The following RIPK4 variants were observed in gnomAD, a reference collection of about 807,000 sequenced individuals.
RIPK4 encodes the protein receptor-interacting serine/threonine-protein kinase 4.
RIPK4 carries 17 observed loss-of-function variants against 42.9 expected under a neutral mutation model. The observed-to-expected ratio is 0.40, with a 90% CI of 0.27 to 0.59. RIPK4 has a LOEUF of 0.59. Among genes scored for constraint, RIPK4 ranks in the 20% least tolerant of loss-of-function variants. The probability of loss-of-function intolerance (pLI) is 0.47; values close to 1 mark genes in which losing one functional copy is unlikely to be tolerated. For synonymous variants in RIPK4, 498 were observed against 499.1 expected (o/e 1.00, Z 0.03); for missense variants, 897 against 1,104.4 (o/e 0.81, Z 2.66).
intron 1 of RIPK4, 104 bp from the exon 2 acceptor site, chr21:41,756,920 T>C: frequency 8.5e-7 from 1 of 1,174,720 alleles, no homozygotes; most frequent in Non-Finnish European, 1.2e-6. Flanking sequence ...GCTGAGCAAA[T>C]GCCTCAAGTG....
rs747781173 is a variant in RIPK4 at position 41,741,507 on chromosome 21, G to A, written c.1686C>T (p.Asp562=). 1.1e-4 allele frequency: 179 copies of A among 1,612,408 alleles called. No individual in the cohort carries two copies. Among genetic ancestry groups the A allele is most frequent in the Middle Eastern group, 4.9e-4 (3 of 6,084 alleles). ...AGGCATCCTTGCCCTGCAGGCTCAC[G>A]TCCACGCCTCGGCGCAGCAGGATGC... is the stretch of plus-strand genomic sequence containing the variant. ...IVRILLRRGV[D]VSLQGKDAWL... The change falls in exon 8 of 8, where the codon GAC becomes GAT. Residue 562 remains aspartate (D), a synonymous_variant. Transcript: ENST00000332512.
intron 1 of RIPK4, among the ~76,000 whole-genome samples, chr21:41,762,166 G>A (rs761201004): frequency 6.6e-6 from 1 of 152,134 alleles, no homozygotes; most frequent in Non-Finnish European, 1.5e-5. Context: ...GCACTTTCTC[G>A]AGGAAAATCA....
chr21:41,757,010 T>C (rs1319490171), intron 1 of RIPK4, among the ~76,000 whole-genome samples, 194 bp from the exon 2 acceptor site: 2 of 152,204 alleles, frequency 1.3e-5, no homozygotes, highest in Non-Finnish European at 2.9e-5. Context: ...TGCTGAAATG[T>C]ACCTATGCAT....
intron 3 of RIPK4, among the ~76,000 whole-genome samples, chr21:41,749,482 C>T (rs1037883737): frequency 6.6e-6 from 1 of 152,232 alleles, no homozygotes; most frequent in Non-Finnish European, 1.5e-5. Flanking sequence ...CCACCCTATG[C>T]GGGGCGTGAG....
intron 6 of RIPK4, among the ~76,000 whole-genome samples, 190 bp downstream of exon 6, chr21:41,745,569 G>A (rs1039772440): frequency 2.0e-5 from 3 of 152,188 alleles, no homozygotes; most frequent in Admixed American, 6.5e-5. Context: ...GAGGTGGGGC[G>A]GGGATGCAGT....
At chr21:41,758,039 T>TAGAGAGAG (rs1268153558) in intron 1 of RIPK4, among the ~76,000 whole-genome samples, 28 of 89,018 alleles carry the variant, frequency 3.1e-4, no homozygotes, top group African/African-American at 4.2e-4. Context: ...TATATATATA[T>TAGAGAGAG]ATAGAGAGAG....
intron 1 of RIPK4, among the ~76,000 whole-genome samples, chr21:41,757,955 C>T (rs1265998730): frequency 1.9e-4 from 25 of 131,240 alleles, no homozygotes; most frequent in African/African-American, 6.4e-4. Context: ...GCCGAGATCG[C>T]GCCATTGCAC....
rs1232274782 is a variant in RIPK4, at chr21:41,743,894, G to C, written c.1183C>G (p.Pro395Ala). The change falls in exon 7 of 8, where the codon CCT (proline) becomes GCT (alanine). Residue 395 changes from proline to alanine, a missense_variant. Physicochemically the swap from Pro to Ala is conservative, Grantham distance 27. Coordinates refer to ENST00000332512, the MANE Select transcript of RIPK4 (RefSeq NM_020639.3). ...CGTCCCCACTCACCGCTGGTTGAAGGTTCCCGCTCAAAGGACAGCGACAGT... is the reference window on the plus strand; with the variant it reads ...CGTCCCCACTCACCGCTGGTTGAAGCTTCCCGCTCAAAGGACAGCGACAGT... Reference protein sequence around the residue: ...GSLSLSFEREPSTSDLGTTDV... With the variant: ...GSLSLSFEREASTSDLGTTDV... 6.2e-7 allele frequency: 1 copy of C among 1,603,050 alleles called. No homozygotes were observed. Among genetic ancestry groups the C allele is most frequent in the African/African-American group, 1.3e-5 (1 of 74,488 alleles).
At chr21:41,747,932 A>G (rs1425270160) in intron 4 of RIPK4, among the ~76,000 whole-genome samples, 1 of 152,218 alleles carries the variant, frequency 6.6e-6, no homozygotes, top group Non-Finnish European at 1.5e-5. Context: ...TAATTCCCAT[A>G]TGATTAGCGT....
At chr21:41,756,952 A>G in intron 1 of RIPK4, 136 bp from the exon 2 acceptor site, 3 of 854,044 alleles carry the variant, frequency 3.5e-6, no homozygotes, top group Non-Finnish European at 5.3e-6. Context: ...GGCACACTTC[A>G]ATGTCACATC....
chr21:41,764,151 G>C (rs1255818357), intron 1 of RIPK4, among the ~76,000 whole-genome samples: 3 of 152,196 alleles, frequency 2.0e-5, no homozygotes. Context: ...AAGTGTCTGG[G>C]GGCTGGGCGG....
At chr21:41,759,624 C>T (rs1046101559) in intron 1 of RIPK4, among the ~76,000 whole-genome samples, 2 of 152,182 alleles carry the variant, frequency 1.3e-5, no homozygotes, top group East Asian at 1.9e-4. Flanking sequence ...TTCTGGAGCT[C>T]GGACACAGGC....
chr21:41,757,027 G>T (rs550379694), intron 1 of RIPK4, among the ~76,000 whole-genome samples: 2 of 152,334 alleles, frequency 1.3e-5, no homozygotes, highest in East Asian at 3.9e-4. Context: ...GCATCACAGG[G>T]TTATCACAAG....
In RIPK4 at chr21:41,757,978, G is replaced by A. The variant is rs756491615; in HGVS notation, c.183-1162C>T. Among the ~76,000 whole-genome samples the A allele has an allele frequency of 2.5e-4, 25 of 100,438 alleles. No homozygotes were observed. The Admixed American group carries it at 2.7e-3, about 11-fold the overall frequency. 65.9% of individuals were successfully genotyped at this position (100,438 alleles called of 152,430 possible). The stretch of plus-strand genomic sequence containing the variant: ...CGCGCCATTGCACTCCAGCCTGGGC[G>A]ACACAGAGAGACTCCATAACAAAAA... On this transcript the variant is annotated intron_variant, in intron 1 of 7. Transcript: ENST00000332512.
Position 41,742,062 on chromosome 21 carries a change from G to A in RIPK4, c.1196-65C>T, listed in dbSNP as rs1455302107. The A allele has an allele frequency of 2.8e-6, 4 of 1,425,268 alleles. No homozygotes were observed. Among genetic ancestry groups the A allele is most frequent in the Non-Finnish European group, 3.8e-6 (4 of 1,053,398 alleles). 88.3% of individuals were successfully genotyped at this position (1,425,268 alleles called of 1,614,324 possible). ...ACATCCAGGGACGTGGCGTCTCTGG[G>A]AGCCTGGCTGTGGCGCTCAGGTGGA... is the stretch of plus-strand genomic sequence containing the variant. On this transcript the variant is annotated intron_variant, in intron 7 of 7. Transcript: ENST00000332512. The surrounding 1 kb of genome is among the most constrained non-coding windows in gnomAD (Gnocchi z 5.1).
chr21:41,766,554 C>A (rs1483071233), intron 1 of RIPK4, among the ~76,000 whole-genome samples: 1 of 152,118 alleles, frequency 6.6e-6, no homozygotes, highest in Non-Finnish European at 1.5e-5. Flanking sequence ...CACGACTGGG[C>A]GCCTTAGGAC....
chr21:41,743,176 A>G (rs528530021), intron 7 of RIPK4, among the ~76,000 whole-genome samples: 2 of 151,886 alleles, frequency 1.3e-5, no homozygotes, highest in East Asian at 3.9e-4. Flanking sequence ...AAATCCCTGT[A>G]TTTTCCATCA....
At chr21:41,756,028 A>T (rs1313155088) in intron 2 of RIPK4, among the ~76,000 whole-genome samples, 1 of 152,198 alleles carries the variant, frequency 6.6e-6, no homozygotes, top group African/African-American at 2.4e-5. Flanking sequence ...GGGCAGACAG[A>T]GGCAACGAGC....
At position 41,741,488 on chromosome 21, in the gene RIPK4, C is replaced by T. The variant is rs768170423; in HGVS notation, c.1705G>A (p.Asp569Asn). Residue 569 changes from aspartate to asparagine, a missense_variant, in exon 8 of 8, where the codon GAT becomes AAT. Physicochemically the swap from Asp to Asn is conservative, Grantham distance 23 (BLOSUM62 1). Coordinates refer to ENST00000332512, the MANE Select transcript of RIPK4 (RefSeq NM_020639.3). The part of the protein sequence containing the change: ...RGVDVSLQGK[D>N]AWLPLHYAAW... ...GCGTAGTGCAGTGGCAGCCAGGCATCCTTGCCCTGCAGGCTCACGTCCACG... is the reference window on the plus strand; with the variant it reads ...GCGTAGTGCAGTGGCAGCCAGGCATTCTTGCCCTGCAGGCTCACGTCCACG... 1 of 1,612,674 alleles carries T rather than the reference C, an allele frequency of 6.2e-7. No individual in the cohort carries two copies. The highest frequency in any genetic ancestry group is 2.2e-5 in the East Asian group (1 of 44,880).
Sources: allele counts gnomAD v4.1 joint callset (sites outside exome capture counted in the v4.1 genomes callset), GRCh38; gene constraint gnomAD v4.1.1; non-coding constraint Gnocchi (gnomAD v3.1); transcripts MANE v1.5; gene names NCBI Gene and HGNC (gene_info 2026-07-23, HGNC 2026-07-21).